Variants in FARS2 observed in about 807,000 individuals in gnomAD.
FARS2 encodes phenylalanine--tRNA ligase, mitochondrial.
In FARS2, 40 loss-of-function variants were observed where a neutral mutation model predicts 46.4. That is an observed-to-expected ratio of 0.86 (90% CI 0.67 to 1.12). FARS2 has a LOEUF of 1.12. FARS2 is among the 50% of genes most tolerant of loss of function. The pLI is 0.00. For missense variants in FARS2, 513 were observed against 567.9 expected (o/e 0.90, Z 0.98); for synonymous variants, 234 against 214.9 (o/e 1.09, Z -0.78).
chr6:5,405,779 A>G (rs1582009841), intron 3 of FARS2, among the ~76,000 whole-genome samples: 1 of 152,276 alleles, frequency 6.6e-6, no homozygotes, highest in Admixed American at 6.5e-5. Context: ...GGCGTGATCC[A>G]CGGCGCCCGG....
At chr6:5,566,058 T>C (rs992547358) in intron 5 of FARS2, among the ~76,000 whole-genome samples, 1 of 152,346 alleles carries the variant, frequency 6.6e-6, no homozygotes, top group East Asian at 1.9e-4. Flanking sequence ...ATTAGTGTCT[T>C]AAGAGCTCCT....
chr6:5,691,210 A>C (rs149794351), intron 6 of FARS2, among the ~76,000 whole-genome samples: 2,022 of 152,246 alleles, frequency 0.013, 78 homozygotes, highest in East Asian at 0.084. Flanking sequence ...TTCTCCATTC[A>C]GCTTTGTTCC....
intron 1 of FARS2, among the ~76,000 whole-genome samples, chr6:5,355,009 T>C (rs1169416242): frequency 6.6e-6 from 1 of 152,184 alleles, no homozygotes; most frequent in Non-Finnish European, 1.5e-5. Flanking sequence ...GTATTCAAAA[T>C]TATTTTAAAT....
intron 1 of FARS2, among the ~76,000 whole-genome samples, chr6:5,312,169 C>G (rs966976897): frequency 6.6e-6 from 1 of 152,176 alleles, no homozygotes; most frequent in Admixed American, 6.5e-5. Flanking sequence ...AATTAAGCTG[C>G]AGTCCTTTTG....
At chr6:5,546,553 A>C (rs903690774) in intron 5 of FARS2, among the ~76,000 whole-genome samples, 1 of 151,208 alleles carries the variant, frequency 6.6e-6, no homozygotes, top group Non-Finnish European at 1.5e-5. Flanking sequence ...CCCAGCCCTC[A>C]TCTAGTATCT....
rs936608651 is a variant in FARS2, at chr6:5,404,030, G to A, written c.613-512G>A. 2.0e-5 allele frequency among the ~76,000 whole-genome samples: 3 copies of A among 152,170 alleles called. No homozygotes were observed. The East Asian group carries it at 5.8e-4, about 29-fold the overall frequency. On this transcript the variant is annotated intron_variant, in intron 2 of 6. Transcript: ENST00000274680. The stretch of plus-strand genomic sequence containing the variant: ...TTTATAGATGATTCCCTGAGGCTTA[G>A]CTACTGTATCACTTGCCTAAGTTTA...
intron 3 of FARS2, among the ~76,000 whole-genome samples, chr6:5,414,605 A>T (rs1762113583): frequency 6.6e-6 from 1 of 152,126 alleles, no homozygotes; most frequent in Non-Finnish European, 1.5e-5. Context: ...CCTTTTTGTT[A>T]CTAAGTAGGG....
At chr6:5,689,371 T>C (rs1156637465) in intron 6 of FARS2, among the ~76,000 whole-genome samples, 1 of 152,140 alleles carries the variant, frequency 6.6e-6, no homozygotes, top group Non-Finnish European at 1.5e-5. Context: ...CTGCTTTGAA[T>C]GCGTCCCAGA....
At chr6:5,441,339 T>G (rs1763832245) in intron 4 of FARS2, among the ~76,000 whole-genome samples, 1 of 152,202 alleles carries the variant, frequency 6.6e-6, no homozygotes, top group Admixed American at 6.5e-5. Flanking sequence ...AAGTCCTCTG[T>G]GTATCCCTCC....
At chr6:5,534,573 G>A (rs895502026) in intron 4 of FARS2, among the ~76,000 whole-genome samples, 1 of 152,112 alleles carries the variant, frequency 6.6e-6, no homozygotes, top group African/African-American at 2.4e-5. Flanking sequence ...CATCCATGCT[G>A]TAGCATGTAT....
chr6:5,423,768 A>G (rs968915616), intron 3 of FARS2, among the ~76,000 whole-genome samples: 5 of 152,160 alleles, frequency 3.3e-5, no homozygotes, highest in Admixed American at 3.3e-4. Flanking sequence ...TCCAGGGTAC[A>G]TGGTTGTGTG....
intron 1 of FARS2, among the ~76,000 whole-genome samples, chr6:5,300,872 A>T (rs954979531): frequency 1.3e-5 from 2 of 151,174 alleles, no homozygotes; most frequent in African/African-American, 4.9e-5. Context: ...TTTTGTAGAG[A>T]TGGGGTCTTG....
chr6:5,443,676 C>A (rs1562044565), intron 4 of FARS2, among the ~76,000 whole-genome samples: 1 of 152,196 alleles, frequency 6.6e-6, no homozygotes, highest in African/African-American at 2.4e-5. Flanking sequence ...ACCAGCTGAG[C>A]CCCAGCCCCG....
intron 1 of FARS2, among the ~76,000 whole-genome samples, chr6:5,360,381 C>T (rs1758223176): frequency 6.6e-6 from 1 of 152,166 alleles, no homozygotes; most frequent in South Asian, 2.1e-4. Flanking sequence ...ATGAATGGCT[C>T]CTGCCCTCAA....
chr6:5,558,291 G>A (rs1310576398), intron 5 of FARS2, among the ~76,000 whole-genome samples: 2 of 152,090 alleles, frequency 1.3e-5, no homozygotes, highest in Non-Finnish European at 2.9e-5. Context: ...GGAATTGAGG[G>A]CTGCCTGTAT....
chr6:5,368,890 C>A lies in FARS2; in HGVS notation c.320C>A (p.Thr107Asn). The change falls in exon 2 of 7, where the codon ACC becomes AAC. Residue 107 changes from threonine to asparagine, a missense_variant. Coordinates refer to ENST00000274680, the MANE Select transcript of FARS2 (RefSeq NM_006567.5). ...FYKQYVGRFG[T>N]PLFSVYDNLS... ...AAGCAGTATGTGGGCCGCTTTGGGA[C>A]CCCGTTGTTCTCGGTCTACGACAAC... 1 of 1,614,138 alleles carries A rather than the reference C, an allele frequency of 6.2e-7. No homozygotes were observed. Among genetic ancestry groups the A allele is most frequent in the Non-Finnish European group, 8.5e-7 (1 of 1,180,032 alleles).
chr6:5,531,675 A>G (rs1769849217), intron 4 of FARS2, among the ~76,000 whole-genome samples: 1 of 152,188 alleles, frequency 6.6e-6, no homozygotes, highest in Non-Finnish European at 1.5e-5. Flanking sequence ...CCAAGGATAT[A>G]TACAGCTGGA....
chr6:5,725,563 G>C (rs1033193310), intron 6 of FARS2, among the ~76,000 whole-genome samples: 3 of 152,202 alleles, frequency 2.0e-5, no homozygotes, highest in African/African-American at 4.8e-5. Context: ...AATAATAGTG[G>C]TATGTACTTA....
chr6:5,520,330 C>G (rs1199405058), intron 4 of FARS2, among the ~76,000 whole-genome samples: 1 of 152,182 alleles, frequency 6.6e-6, no homozygotes, highest in Non-Finnish European at 1.5e-5. Flanking sequence ...CTCACTCTTG[C>G]TGGGAATAGC....
Sources: allele counts gnomAD v4.1 joint callset (sites outside exome capture counted in the v4.1 genomes callset), GRCh38; gene constraint gnomAD v4.1.1; transcripts MANE v1.5; gene names NCBI Gene and HGNC (gene_info 2026-07-23, HGNC 2026-07-21).